Variants in UBXN2A observed in about 807,000 individuals in gnomAD.
The protein encoded by UBXN2A is UBX domain protein 2A, also known as UBX domain-containing protein 2A.
Under a neutral mutation model 28.4 loss-of-function variants are expected in UBXN2A, and 28 were observed. The ratio of observed to expected loss-of-function variants is 0.99; its 90% CI spans 0.73 to 1.35. UBXN2A has a LOEUF of 1.35. UBXN2A is among the 40% of genes most tolerant of loss of function. The probability of loss-of-function intolerance (pLI) is 0.00; values close to 1 mark genes in which losing one functional copy is unlikely to be tolerated. For missense variants in UBXN2A, 253 were observed against 297.9 expected (o/e 0.85, Z 1.11); for synonymous variants, 97 against 103.6 (o/e 0.94, Z 0.39).
At chr2:23,930,262 T>A (rs10182357) in intron 1 of UBXN2A, among the ~76,000 whole-genome samples, 111,284 of 151,954 alleles carry the variant, frequency 0.73, 41,178 homozygotes, top group East Asian at 0.85. Flanking sequence ...ACATAGTGAG[T>A]CCCTGTCTCT....
In UBXN2A at chr2:23,993,497, G is replaced by A. The variant is rs551497697; in HGVS notation, c.585-6175G>A. On this transcript the variant is annotated intron_variant, in intron 6 of 6. Coordinates refer to ENST00000309033, the MANE Select transcript of UBXN2A (RefSeq NM_181713.4). ...TGCCCCTGGCCAACAATTTCACTCT[G>A]TTACTCTCTTCCTTTTTGCTATTTT... Among the ~76,000 whole-genome samples, 39 of 151,956 alleles carry A rather than the reference G, an allele frequency of 2.6e-4. 1 individual carries two copies. Among genetic ancestry groups the A allele is most frequent in the African/African-American group, 9.4e-4 (39 of 41,448 alleles).
intron 1 of UBXN2A, among the ~76,000 whole-genome samples, chr2:23,955,082 A>G (rs2150827119): frequency 2.0e-5 from 3 of 151,556 alleles, no homozygotes. Flanking sequence ...ACAGGCATGC[A>G]CCGCCACGCC....
At chr2:23,940,129 AGGTGG>A (rs1233851981), upstream of UBXN2A, among the ~76,000 whole-genome samples, 1 of 142,062 alleles carries the variant, frequency 7.0e-6, no homozygotes, top group Non-Finnish European at 1.5e-5. Context: ...AAAAAAAAAA[AGGTGG>A]GTGGGGGTTT....
In UBXN2A at chr2:24,001,434, C is replaced by G. The variant is rs1319141156; in HGVS notation, c.*1567C>G. ...CAATTTTTCACTGTCAGATTAAATC[C>G]CCATACCTGAAAATAAGTTTAACAT... is the stretch of plus-strand genomic sequence containing the variant. On this transcript the variant is annotated 3_prime_UTR_variant, in exon 7 of 7. Transcript: ENST00000309033. 5 of 152,018 alleles carry G rather than the reference C, an allele frequency of 3.3e-5. No homozygotes were observed. The highest frequency in any genetic ancestry group is 7.4e-5 in the Non-Finnish European group (5 of 68,008). The allele number at this position is 152,018 out of a possible 1,614,324, so 9.4% of individuals were successfully genotyped here. A position where few individuals can be genotyped will look rare whatever the true frequency, so the allele number is the denominator to read the frequency against.
intron 1 of UBXN2A, among the ~76,000 whole-genome samples, chr2:23,956,024 C>T (rs1249543843): frequency 6.6e-6 from 1 of 152,060 alleles, no homozygotes; most frequent in East Asian, 1.9e-4. Context: ...GCCACTATGC[C>T]GAGCTGATTT....
At chr2:23,983,560 T>C (rs1019281670) in intron 5 of UBXN2A, among the ~76,000 whole-genome samples, 5 of 152,084 alleles carry the variant, frequency 3.3e-5, no homozygotes, top group African/African-American at 1.2e-4. Context: ...GCTTTTTTGT[T>C]TTTCTTTTTT....
At chr2:23,935,608 C>T (rs1215255896), upstream of UBXN2A, among the ~76,000 whole-genome samples, 2 of 152,078 alleles carry the variant, frequency 1.3e-5, no homozygotes, top group East Asian at 3.8e-4. Flanking sequence ...GAGAAAATAA[C>T]AAGTGTTGGG....
chr2:23,992,823 C>T (rs1708400594), intron 6 of UBXN2A, among the ~76,000 whole-genome samples: 1 of 152,162 alleles, frequency 6.6e-6, no homozygotes, highest in African/African-American at 2.4e-5. Context: ...TTTCTACTTA[C>T]TTTTAATTTC....
chr2:23,931,538 A>G (rs1705367913), intron 1 of UBXN2A, among the ~76,000 whole-genome samples: 1 of 152,082 alleles, frequency 6.6e-6, no homozygotes, highest in Non-Finnish European at 1.5e-5. Flanking sequence ...TTGGTTAAAT[A>G]TTTTTTGAAC....
At chr2:23,977,180 T>C in intron 4 of UBXN2A, 105 bp downstream of exon 4, 2 of 785,048 alleles carry the variant, frequency 2.5e-6, no homozygotes, top group Middle Eastern at 2.6e-4. Context: ...CCGGGGAACA[T>C]AGCCAGACCT....
At chr2:23,963,866 C>T (rs1707044800) in intron 2 of UBXN2A, among the ~76,000 whole-genome samples, 2 of 152,178 alleles carry the variant, frequency 1.3e-5, no homozygotes, top group Admixed American at 6.6e-5. Context: ...CCGTGGCTCA[C>T]ATCTGTAATG....
At chr2:23,950,942 G>A (rs1050802600) in intron 1 of UBXN2A, among the ~76,000 whole-genome samples, 10 of 150,842 alleles carry the variant, frequency 6.6e-5, no homozygotes. Context: ...GCCTCCCAAA[G>A]TGCTAGGATT....
upstream of UBXN2A, among the ~76,000 whole-genome samples, chr2:23,935,818 G>A (rs1705508450): frequency 6.6e-6 from 1 of 152,204 alleles, no homozygotes; most frequent in Non-Finnish European, 1.5e-5. Flanking sequence ...GGGAAGCCGA[G>A]GTGGGTGGAT....
chr2:23,961,539 C>CTTTTTTTTTTT (rs71395167), intron 2 of UBXN2A, among the ~76,000 whole-genome samples: 1 of 51,282 alleles, frequency 1.9e-5, no homozygotes, highest in Non-Finnish European at 3.4e-5. Context: ...AGAAAACTGC[C>CTTTTTTTTTTT]TTTTTTTTTT....
At chr2:23,963,863 T>C (rs1313334325) in intron 2 of UBXN2A, among the ~76,000 whole-genome samples, 2 of 152,170 alleles carry the variant, frequency 1.3e-5, no homozygotes, top group Non-Finnish European at 2.9e-5. Flanking sequence ...GTGCCGTGGC[T>C]CACATCTGTA....
intron 3 of UBXN2A, among the ~76,000 whole-genome samples, chr2:23,974,039 G>T (rs1462182893): frequency 6.8e-6 from 1 of 146,922 alleles, no homozygotes; most frequent in Non-Finnish European, 1.5e-5. Flanking sequence ...TTTTGAGACG[G>T]AGTCTCGCTC....
upstream of UBXN2A, among the ~76,000 whole-genome samples, chr2:23,938,147 A>G (rs1454940882): frequency 6.6e-6 from 1 of 152,186 alleles, no homozygotes; most frequent in Non-Finnish European, 1.5e-5. Flanking sequence ...ATATAAAGTG[A>G]GTCATCGCAC....
At chr2:23,958,871 G>T (rs1314183868) in intron 2 of UBXN2A, among the ~76,000 whole-genome samples, 1 of 152,128 alleles carries the variant, frequency 6.6e-6, no homozygotes, top group South Asian at 2.1e-4. Context: ...TACAGACAGG[G>T]TGTCTGTTGC....
intron 1 of UBXN2A, among the ~76,000 whole-genome samples, chr2:23,947,703 A>G (rs1199600415): frequency 6.6e-6 from 1 of 152,192 alleles, no homozygotes; most frequent in Admixed American, 6.6e-5. Flanking sequence ...CATGCTTACA[A>G]TTAGTAATTC....
Sources: gnomAD v4.1 joint callset for allele counts (sites outside exome capture counted in the v4.1 genomes callset) on GRCh38, gnomAD v4.1.1 for gene constraint, MANE v1.5 for transcripts, NCBI Gene and HGNC (gene_info 2026-07-23, HGNC 2026-07-21) for gene names.